Variants in KCNN4 observed in about 807,000 individuals in gnomAD.
The protein encoded by KCNN4 is intermediate conductance calcium-activated potassium channel protein 4.
KCNN4 carries 31 observed loss-of-function variants against 45.2 expected under a neutral mutation model. The observed-to-expected ratio is 0.69, with a 90% CI of 0.52 to 0.92. The LOEUF is 0.92. Among genes scored for constraint, KCNN4 ranks in the 40% least tolerant of loss-of-function variants. KCNN4 has a pLI of 0.00. For synonymous variants in KCNN4, 231 were observed against 254.6 expected (o/e 0.91, Z 0.88); for missense variants, 463 against 574.0 (o/e 0.81, Z 1.98).
At chr19:43,776,717 A>C in intron 1 of KCNN4, 81 bp from the exon 2 acceptor site, 24 of 672,906 alleles carry the variant, frequency 3.6e-5, no homozygotes, top group Admixed American at 1.3e-4. Flanking sequence ...CAAAACCACC[A>C]TTTTTTTTTT....
chr19:43,777,117 A>G (rs1019104149), intron 1 of KCNN4, among the ~76,000 whole-genome samples: 1 of 151,838 alleles, frequency 6.6e-6, no homozygotes, highest in Non-Finnish European at 1.5e-5. Flanking sequence ...ACAAACAAAA[A>G]AACACCATCA....
At chr19:43,776,922 C>T (rs1599680061) in intron 1 of KCNN4, 2 of 334,736 alleles carry the variant, frequency 6.0e-6, no homozygotes, top group East Asian at 5.6e-5. Context: ...CATGGTGAAA[C>T]CCAGTCTCTA....
rs148813416 is a variant in KCNN4 at position 43,771,259 on chromosome 19, G to C, written c.819+741C>G. ...CTCATCCTTGAGGGCAACAGGAGCT[G>C]GTGTGGGGTGGCTGGATGCCTGGCC... On this transcript the variant is annotated intron_variant, in intron 4 of 8. Coordinates refer to ENST00000648319, the MANE Select transcript of KCNN4 (RefSeq NM_002250.3). Among the ~76,000 whole-genome samples the C allele has an allele frequency of 2.0e-4, 31 of 152,252 alleles. No homozygotes were observed. In the East Asian group the frequency reaches 4.6e-3, roughly 23 times the overall value.
intron 4 of KCNN4, among the ~76,000 whole-genome samples, chr19:43,770,545 G>C (rs140568627): frequency 2.0e-5 from 3 of 152,268 alleles, no homozygotes; most frequent in East Asian, 3.9e-4. Context: ...CAACCCTATA[G>C]TTTCAGCTCT....
In KCNN4 at chr19:43,774,072, A is replaced by G. The variant is rs1969717318; in HGVS notation, c.683+120T>C. 4.6e-6 allele frequency: 5 copies of G among 1,079,288 alleles called. No homozygotes were observed. Among genetic ancestry groups the G allele is most frequent in the Non-Finnish European group, 6.6e-6 (5 of 757,384 alleles). The allele number at this position is 1,079,288 out of a possible 1,614,324, so 66.9% of individuals were successfully genotyped here. A position where few individuals can be genotyped will look rare whatever the true frequency, so the allele number is the denominator to read the frequency against. ...TCAGCCAGCAAGAGGAGAAGGGGTC[A>G]AAGTGTGAACTTTCTCCACTGCTTG... On this transcript the variant is annotated intron_variant, in intron 3 of 8. Transcript: ENST00000648319. This position sits in a 1 kb window ranked among gnomAD's most constrained non-coding sequence, Gnocchi z 5.6.
At chr19:43,776,987 G>C (rs1315805123) in intron 1 of KCNN4, among the ~76,000 whole-genome samples, 5 of 152,216 alleles carry the variant, frequency 3.3e-5, no homozygotes, top group African/African-American at 1.2e-4. Flanking sequence ...GGGAGGCTGA[G>C]GAACCAGAAT....
intron 7 of KCNN4, among the ~76,000 whole-genome samples, chr19:43,768,350 G>T (rs984113022): frequency 6.6e-6 from 1 of 152,284 alleles, no homozygotes; most frequent in African/African-American, 2.4e-5. Flanking sequence ...AAGGCCACCA[G>T]ATAAGCAGAA....
At position 43,780,789 on chromosome 19, in the gene KCNN4, G is replaced by C. The variant is rs1195396168; in HGVS notation, c.73C>G (p.Leu25Val). Reference sequence around the variant, plus strand: ...GCCAGCACCAGTGCCCAGCCGGCCAGAGACTTCTCCTGCTCCAGCAAGCGC... The same window carrying C: ...GCCAGCACCAGTGCCCAGCCGGCCACAGACTTCTCCTGCTCCAGCAAGCGC... ...RKRLLEQEKSLAGWALVLAGT... is the reference protein window; with the variant it reads ...RKRLLEQEKSVAGWALVLAGT... Residue 25 changes from leucine to valine, a missense_variant, in exon 1 of 9, where the codon CTG becomes GTG. Physicochemically the swap from Leu to Val is conservative, Grantham distance 32. This residue lies in a region of KCNN4 where 225 missense variants were observed against 240.9 expected (regional missense o/e 0.93). Coordinates refer to ENST00000648319, the MANE Select transcript of KCNN4 (RefSeq NM_002250.3). 1.2e-6 allele frequency: 2 copies of C among 1,613,852 alleles called. No homozygotes were observed. The highest frequency in any genetic ancestry group is 1.7e-5 in the Admixed American group (1 of 59,998).
chr19:43,769,109 G>A lies in KCNN4; in HGVS notation c.1050-77C>T. The stretch of plus-strand genomic sequence containing the variant: ...CTGTAGCTCAGGGGAGGAATGAAGG[G>A]AGGAGAGGCACATGAAGAAACAAAA... On this transcript the variant is annotated intron_variant, in intron 6 of 8. Transcript: ENST00000648319. This position sits in a 1 kb window ranked among gnomAD's most constrained non-coding sequence, Gnocchi z 4.4. 6.9e-7 allele frequency: 1 copy of A among 1,441,910 alleles called. No individual in the cohort carries two copies. Among genetic ancestry groups the A allele is most frequent in the Non-Finnish European group, 9.8e-7 (1 of 1,023,300 alleles). The allele number at this position is 1,441,910 out of a possible 1,614,324, so 89.3% of individuals were successfully genotyped here.
chr19:43,778,444 T>G (rs1004565122), intron 1 of KCNN4, among the ~76,000 whole-genome samples: 1 of 152,212 alleles, frequency 6.6e-6, no homozygotes, highest in Non-Finnish European at 1.5e-5. Context: ...TTTCACTGTG[T>G]TAGCCAGGAT....
rs549869034 is a variant in KCNN4 at position 43,774,679 on chromosome 19, C to T, written c.256-60G>A. ...AGCAGGTCAGGCGCAGGTCAGGCGG[C>T]GGCCCGCGCCTGCCTGCGCCCTGAG... On this transcript the variant is annotated intron_variant, in intron 2 of 8. Coordinates refer to ENST00000648319, the MANE Select transcript of KCNN4 (RefSeq NM_002250.3). The surrounding 1 kb of genome is among the most constrained non-coding windows in gnomAD (Gnocchi z 5.6). 24 of 1,387,578 alleles carry T rather than the reference C, an allele frequency of 1.7e-5. 1 individual carries two copies. In the South Asian group the frequency reaches 2.6e-4, roughly 15 times the overall value. 86.0% of individuals were successfully genotyped at this position (1,387,578 alleles called of 1,614,324 possible). A position where few individuals can be genotyped will look rare whatever the true frequency, so the allele number is the denominator to read the frequency against.
Position 43,777,320 on chromosome 19 carries a change from T to TGTGTGTGTGTGTGG in KCNN4, c.160-685_160-684insCCACACACACACAC, listed in dbSNP as rs1247716395. 1.6e-3 allele frequency among the ~76,000 whole-genome samples: 237 copies of TGTGTGTGTGTGTGG among 149,280 alleles called. 1 individual carries two copies. Among genetic ancestry groups the TGTGTGTGTGTGTGG allele is most frequent in the African/African-American group, 5.5e-3 (223 of 40,356 alleles). ...TCAGGTGTGTGTGTGTGTGTGTGTG[T>TGTGTGTGTGTGTGG]GTGTGGGTGTGTGTGTGTGGTGTCT... is the stretch of plus-strand genomic sequence containing the variant. On this transcript the variant is annotated intron_variant, in intron 1 of 8. Transcript: ENST00000648319.
At chr19:43,777,484 A>C (rs991750390) in intron 1 of KCNN4, among the ~76,000 whole-genome samples, 3 of 151,678 alleles carry the variant, frequency 2.0e-5, no homozygotes, top group African/African-American at 7.3e-5. Flanking sequence ...ATCCTCAAAG[A>C]CTGAGTCACA....
chr19:43,776,271 G>A (rs1969800166), intron 2 of KCNN4, among the ~76,000 whole-genome samples: 1 of 151,984 alleles, frequency 6.6e-6, no homozygotes. Context: ...AGAGGCCTGG[G>A]GGCGGAAGCA....
At position 43,774,695 on chromosome 19, in the gene KCNN4, G is replaced by A; in HGVS notation, c.256-76C>T. On this transcript the variant is annotated intron_variant, in intron 2 of 8. Transcript: ENST00000648319. This position sits in a 1 kb window ranked among gnomAD's most constrained non-coding sequence, Gnocchi z 5.6. ...GTCAGGCGGCGGCCCGCGCCTGCCT[G>A]CGCCCTGAGATAAGTGGGGTGTGCC... The A allele has an allele frequency of 7.6e-7, 1 of 1,315,258 alleles. No homozygotes were observed. The highest frequency in any genetic ancestry group is 1.0e-6 in the Non-Finnish European group (1 of 1,003,604). The allele number at this position is 1,315,258 out of a possible 1,614,324, so 81.5% of individuals were successfully genotyped here.
intron 1 of KCNN4, among the ~76,000 whole-genome samples, chr19:43,777,326 G>A (rs671375): frequency 7.1e-6 from 1 of 141,416 alleles, no homozygotes; most frequent in African/African-American, 2.7e-5. Context: ...TGTGTGTGTG[G>A]GTGTGTGTGT....
At position 43,767,554 on chromosome 19, in the gene KCNN4, G is replaced by C. The variant is rs1969515834; in HGVS notation, c.1273C>G (p.Gln425Glu). Residue 425 changes from glutamine to glutamate, a missense_variant, in exon 8 of 9, where the codon CAG becomes GAG. Gln to Glu is a conservative substitution (Grantham distance 29). This residue lies in a region of KCNN4 where 129 missense variants were observed against 149.4 expected (regional missense o/e 0.86). Transcript: ENST00000648319. Reference sequence around the variant, plus strand: ...AGCCCCCTCACCAGCTACTTGGACTGCTGGCTGGGTTCTGGAAGCTGCCTC... The same window carrying C: ...AGCCCCCTCACCAGCTACTTGGACTCCTGGCTGGGTTCTGGAAGCTGCCTC... The part of the protein sequence containing the change: ...GPRQLPEPSQ[Q>E]SK The C allele has an allele frequency of 2.5e-6, 4 of 1,613,552 alleles. No individual in the cohort carries two copies. Among genetic ancestry groups the C allele is most frequent in the Non-Finnish European group, 3.4e-6 (4 of 1,179,944 alleles).
chr19:43,768,985 T>A lies in KCNN4; in HGVS notation c.1097A>T (p.Asn366Ile). ...TACCTTGGAGATGTCCACCATGGAG[T>A]TCACTTGTTCCCGGAGCTTCCGGTG... Reference protein sequence around the residue: ...LKHRKLREQVNSMVDISKMHM... With the variant: ...LKHRKLREQVISMVDISKMHM... Residue 366 changes from asparagine to isoleucine, a missense_variant, in exon 7 of 9, where the codon AAC (asparagine) becomes ATC (isoleucine). Physicochemically the swap from Asn to Ile is moderately radical, Grantham distance 149. Around this residue, in one of 3 missense-constraint regions of KCNN4, gnomAD observed 129 missense variants for 149.4 expected, o/e 0.86. Coordinates refer to ENST00000648319, the MANE Select transcript of KCNN4 (RefSeq NM_002250.3). 6.2e-7 allele frequency: 1 copy of A among 1,613,848 alleles called. No homozygotes were observed. The highest frequency in any genetic ancestry group is 8.5e-7 in the Non-Finnish European group (1 of 1,179,880).
chr19:43,767,348 G>A, intron 8 of KCNN4, 192 bp downstream of exon 8: 1 of 643,460 alleles, frequency 1.6e-6, no homozygotes, highest in Non-Finnish European at 2.6e-6. Context: ...CAGTGAAGGG[G>A]AGAGGGTACA....
Sources: allele counts gnomAD v4.1 joint callset (sites outside exome capture counted in the v4.1 genomes callset), GRCh38; gene constraint gnomAD v4.1.1; regional missense constraint gnomAD v4.1.1; non-coding constraint Gnocchi (gnomAD v3.1); transcripts MANE v1.5; gene names NCBI Gene and HGNC (gene_info 2026-07-23, HGNC 2026-07-21).